Variants in CEACAM4 observed in about 807,000 individuals in gnomAD.
CEACAM4 encodes cell adhesion molecule CEACAM4.
A neutral mutation model predicts 28.7 loss-of-function variants in CEACAM4; 30 were observed. The observed-to-expected ratio is 1.05, with a 90% CI of 0.78 to 1.42. The LOEUF is 1.42. Among genes scored for constraint, CEACAM4 ranks in the 40% most tolerant of loss-of-function variants. The probability of loss-of-function intolerance (pLI) is 0.00; values close to 1 mark genes in which losing one functional copy is unlikely to be tolerated. For synonymous variants in CEACAM4, 143 were observed against 126.5 expected, an observed-to-expected ratio of 1.13 and a Z score of -0.87; for missense variants, 330 against 308.2, an observed-to-expected ratio of 1.07 and a Z score of -0.53.
In CEACAM4 at chr19:41,619,731, G is replaced by C. The variant is rs782171587; in HGVS notation, c.628-20C>G. On this transcript the variant is annotated intron_variant, in intron 5 of 6. Coordinates refer to ENST00000221954, the MANE Select transcript of CEACAM4 (RefSeq NM_001817.4). Reference sequence around the variant, plus strand: ...AGGGGCCTGGGCAGGGGAGAGAGGAGATGTCAGGGGACAGGGAGGGAGGGT... The same window carrying C: ...AGGGGCCTGGGCAGGGGAGAGAGGACATGTCAGGGGACAGGGAGGGAGGGT... 4 of 1,546,828 alleles carry C rather than the reference G, an allele frequency of 2.6e-6. No individual in the cohort carries two copies. In the Admixed American group the frequency reaches 8.1e-5, roughly 31 times the overall value.
At chr19:41,626,087 TG>T (rs2071637598) in intron 1 of CEACAM4, 127 bp from the exon 2 acceptor site, 2 of 368,074 alleles carry the variant, frequency 5.4e-6, no homozygotes, top group Admixed American at 4.2e-5. Context: ...TGTGTGTGTG[TG>T]TGTGTGTGTG....
downstream of CEACAM4, among the ~76,000 whole-genome samples, chr19:41,616,518 T>C (rs1463954216): frequency 1.3e-5 from 2 of 151,582 alleles, no homozygotes; most frequent in Admixed American, 6.6e-5. Context: ...GATAGATAGA[T>C]AGATAGATAG....
At chr19:41,622,093 T>C (rs2071329206) in intron 2 of CEACAM4, among the ~76,000 whole-genome samples, 1 of 152,070 alleles carries the variant, frequency 6.6e-6, no homozygotes, top group South Asian at 2.1e-4. Context: ...TTTCTTTTTT[T>C]TTTGGATGGA....
chr19:41,622,469 T>C (rs1036557003), intron 2 of CEACAM4, among the ~76,000 whole-genome samples: 3 of 152,140 alleles, frequency 2.0e-5, no homozygotes, highest in East Asian at 3.9e-4. Context: ...ATGATGTTCA[T>C]TGACTATTTT....
chr19:41,625,499 C>G, intron 2 of CEACAM4, 102 bp downstream of exon 2: 1 of 1,394,110 alleles, frequency 7.2e-7, no homozygotes, highest in Non-Finnish European at 9.8e-7. Flanking sequence ...CAACACGGGA[C>G]AAAATGCAGA....
intron 2 of CEACAM4, among the ~76,000 whole-genome samples, chr19:41,622,345 T>A (rs1555801896): frequency 2.0e-5 from 3 of 152,212 alleles, no homozygotes; most frequent in Non-Finnish European, 2.9e-5. Flanking sequence ...CCCAAAGTGC[T>A]GGGATTACAG....
downstream of CEACAM4, among the ~76,000 whole-genome samples, chr19:41,617,456 G>T (rs2071003290): frequency 1.3e-5 from 2 of 152,222 alleles, no homozygotes; most frequent in African/African-American, 4.8e-5. Flanking sequence ...GCCTCTCAAA[G>T]ATGTGTACAT....
At position 41,625,656 on chromosome 19, in the gene CEACAM4, T is replaced by C; in HGVS notation, c.369A>G (p.Arg123=). The change falls in exon 2 of 7, where the codon CGA becomes CGG. Residue 123 remains arginine (R), a synonymous_variant. Coordinates refer to ENST00000221954, the MANE Select transcript of CEACAM4 (RefSeq NM_001817.4). The part of the protein sequence containing the change: ...TLEDAGSYTL[R]TINASYDSDQ... The stretch of plus-strand genomic sequence containing the variant: ...CAGAGTCGTAACTGGCATTTATGGT[T>C]CGTAGGGTGTAGGATCCTGCGTCCT... 1 of 1,607,088 alleles carries C rather than the reference T, an allele frequency of 6.2e-7. No homozygotes were observed. Among genetic ancestry groups the C allele is most frequent in the Non-Finnish European group, 8.5e-7 (1 of 1,175,832 alleles).
At chr19:41,622,474 T>C (rs2071353272) in intron 2 of CEACAM4, among the ~76,000 whole-genome samples, 1 of 152,124 alleles carries the variant, frequency 6.6e-6, no homozygotes, top group Non-Finnish European at 1.5e-5. Context: ...GTTCATTGAC[T>C]ATTTTCAGGG....
downstream of CEACAM4, among the ~76,000 whole-genome samples, chr19:41,618,421 C>T (rs1368930550): frequency 6.6e-6 from 1 of 152,180 alleles, no homozygotes; most frequent in Non-Finnish European, 1.5e-5. Flanking sequence ...CTTGGTTGCT[C>T]TGACAGCCCC....
At chr19:41,626,011 G>A (rs1198675535) in intron 1 of CEACAM4, 51 bp from the exon 2 acceptor site, 2 of 1,533,360 alleles carry the variant, frequency 1.3e-6, no homozygotes, top group East Asian at 2.3e-5. Flanking sequence ...GGAGTGGGAT[G>A]GAAAGATAAG....
chr19:41,619,513 G>A lies in CEACAM4; in HGVS notation c.670-118C>T. 9 of 1,561,884 alleles carry A rather than the reference G, an allele frequency of 5.8e-6. No homozygotes were observed. The South Asian group carries it at 7.0e-5, about 12-fold the overall frequency. On this transcript the variant is annotated intron_variant, in intron 6 of 6. Coordinates refer to ENST00000221954, the MANE Select transcript of CEACAM4 (RefSeq NM_001817.4). ...GGGGCTGAACCTGGCTGTGCTCAGG[G>A]GGTCCCTGTTCCCAGGCCCCTCCCT...
chr19:41,619,610 G>T, intron 6 of CEACAM4, 60 bp downstream of exon 6: 1 of 1,569,164 alleles, frequency 6.4e-7, no homozygotes, highest in East Asian at 2.4e-5. Context: ...GGTGCTGGTG[G>T]GGGCAGATCC....
chr19:41,623,787 T>A (rs2122563993), intron 2 of CEACAM4, among the ~76,000 whole-genome samples: 1 of 152,272 alleles, frequency 6.6e-6, no homozygotes, highest in African/African-American at 2.4e-5. Context: ...GAAGAACAGA[T>A]GCTCTGGCAT....
At chr19:41,622,740 G>A (rs190257044) in intron 2 of CEACAM4, among the ~76,000 whole-genome samples, 7 of 152,114 alleles carry the variant, frequency 4.6e-5, no homozygotes, top group African/African-American at 1.4e-4. Context: ...TTGAGCTCTC[G>A]CCCTGTGTAT....
chr19:41,621,931 G>A (rs1006364987), intron 2 of CEACAM4, among the ~76,000 whole-genome samples, 163 bp from the exon 3 acceptor site: 7 of 152,102 alleles, frequency 4.6e-5, no homozygotes, highest in Non-Finnish European at 2.9e-5. Context: ...TGCTCTCCAC[G>A]GTTGCACCAT....
At chr19:41,626,061 GGAGTGT>G (rs2071630510) in intron 1 of CEACAM4, 101 bp from the exon 2 acceptor site, 2 of 700,116 alleles carry the variant, frequency 2.9e-6, no homozygotes, top group Admixed American at 2.8e-5. Flanking sequence ...CCTCAGCCTT[GGAGTGT>G]GTGTGTGTGT....
chr19:41,619,642 G>T (rs1555800279), intron 6 of CEACAM4, 28 bp downstream of exon 6: 11 of 1,585,106 alleles, frequency 6.9e-6, no homozygotes, highest in South Asian at 1.1e-5. Context: ...GAGCCTGCGG[G>T]ACCAGAACAT....
At chr19:41,622,860 A>AGAT (rs2071387935) in intron 2 of CEACAM4, among the ~76,000 whole-genome samples, 1 of 120,092 alleles carries the variant, frequency 8.3e-6, no homozygotes, top group Non-Finnish European at 1.6e-5. Context: ...ATATATAGAT[A>AGAT]GATAGATAGA....
Sources: gnomAD v4.1 joint callset for allele counts (sites outside exome capture counted in the v4.1 genomes callset) on GRCh38, gnomAD v4.1.1 for gene constraint, MANE v1.5 for transcripts, NCBI Gene and HGNC (gene_info 2026-07-23, HGNC 2026-07-21) for gene names.